The following ETS1 variants were observed in gnomAD, a reference collection of about 807,000 sequenced individuals.
ETS1 encodes protein C-ets-1.
ETS1 carries 15 observed loss-of-function variants against 58.6 expected under a neutral mutation model. The observed-to-expected ratio is 0.26, with a 90% CI of 0.17 to 0.39. The LOEUF is 0.39. Among genes scored for constraint, ETS1 ranks in the 10% least tolerant of loss-of-function variants. The pLI is 1.00. For missense variants in ETS1, 417 were observed against 610.5 expected (o/e 0.68, Z 3.34); for synonymous variants, 214 against 218.2 (o/e 0.98, Z 0.17).
chr11:128,507,777 G>A (rs940789079), intron 3 of ETS1, among the ~76,000 whole-genome samples: 2 of 152,094 alleles, frequency 1.3e-5, no homozygotes, highest in African/African-American at 2.4e-5. Flanking sequence ...GGACCTTCCC[G>A]GCAGCAGCCT....
At chr11:128,543,193 C>CAA (rs66563990) in intron 3 of ETS1, among the ~76,000 whole-genome samples, 44 of 87,152 alleles carry the variant, frequency 5.0e-4, no homozygotes, top group South Asian at 3.4e-3. Flanking sequence ...AACTCTGTCT[C>CAA]AAAAAAAAAA....
intron 3 of ETS1, chr11:128,504,894 T>C (rs1412458103): frequency 6.6e-6 from 1 of 152,242 alleles, no homozygotes; most frequent in Non-Finnish European, 1.5e-5. Flanking sequence ...AGATTCATGA[T>C]GCTATCCACT....
chr11:128,556,404 G>T lies in ETS1; in HGVS notation c.101C>A (p.Pro34His), dbSNP rs1365075336. Residue 34 changes from proline (P) to histidine (H), a missense_variant, in exon 3 of 10, where the codon CCT becomes CAT. This residue lies in a region of ETS1 where 90 missense variants were observed against 90.3 expected (regional missense o/e 1.00). Coordinates refer to ENST00000392668, the MANE Select transcript of ETS1 (RefSeq NM_001143820.2). ...RQGPSNTYEDPRMNCGFQSNY... is the reference protein window; with the variant it reads ...RQGPSNTYEDHRMNCGFQSNY... ...GGACTGGAAACCACAGTTCATTCGA[G>T]GATCTTCATAAGTGTTGCTAGGTCC... is the stretch of plus-strand genomic sequence containing the variant. The T allele has an allele frequency of 6.2e-7, 1 of 1,612,720 alleles. No individual in the cohort carries two copies. The highest frequency in any genetic ancestry group is 8.5e-7 in the Non-Finnish European group (1 of 1,179,156).
intron 1 of ETS1, among the ~76,000 whole-genome samples, chr11:128,581,221 A>C (rs1864864429): frequency 6.6e-6 from 1 of 152,236 alleles, no homozygotes; most frequent in Non-Finnish European, 1.5e-5. Flanking sequence ...AAGGAAATAC[A>C]TTAAAACCTG....
chr11:128,580,250 C>CT (rs1565418797), intron 1 of ETS1, among the ~76,000 whole-genome samples: 1 of 148,594 alleles, frequency 6.7e-6, no homozygotes, highest in Non-Finnish European at 1.5e-5. Flanking sequence ...TTAGGCTTCT[C>CT]AAGAGTTAAC....
At chr11:128,474,448 G>A (rs1862267939) in intron 8 of ETS1, among the ~76,000 whole-genome samples, 2 of 152,126 alleles carry the variant, frequency 1.3e-5, no homozygotes, top group South Asian at 4.1e-4. Flanking sequence ...TTTTCTACTG[G>A]TAGCAGATGA....
At chr11:128,560,596 T>A (rs544179662) in intron 2 of ETS1, among the ~76,000 whole-genome samples, 1 of 152,260 alleles carries the variant, frequency 6.6e-6, no homozygotes, top group Non-Finnish European at 1.5e-5. Flanking sequence ...TTCTGCTACG[T>A]GCACAACATG....
At chr11:128,540,031 G>A (rs1864030769) in intron 3 of ETS1, among the ~76,000 whole-genome samples, 1 of 152,188 alleles carries the variant, frequency 6.6e-6, no homozygotes, top group African/African-American at 2.4e-5. Flanking sequence ...TAAAAATGTT[G>A]CTGGGCGCAG....
At position 128,571,501 on chromosome 11, in the gene ETS1, CAAAAAAAAAAAAAAAAAAAA is replaced by C. The variant is rs563312769; in HGVS notation, c.69+1541_69+1560del. 6.5e-3 allele frequency among the ~76,000 whole-genome samples: 214 copies of C among 32,900 alleles called. 4 individuals are homozygous for C. Among genetic ancestry groups the C allele is most frequent in the Middle Eastern group, 0.025 (1 of 40 alleles). The allele number at this position is 32,900 out of a possible 152,430, so 21.6% of individuals were successfully genotyped here. A position where few individuals can be genotyped will look rare whatever the true frequency, so the allele number is the denominator to read the frequency against. On this transcript the variant is annotated intron_variant, in intron 2 of 9. Coordinates refer to ENST00000392668, the MANE Select transcript of ETS1 (RefSeq NM_001143820.2). ...CCTGGGCGACAGAGCAAGACTCCGT[CAAAAAAAAAAAAAAAAAAAA>C]AAAAAAAAAAAAAAAAAAAAAACTT...
chr11:128,459,728 AC>A lies in ETS1; in HGVS notation c.*2632del, dbSNP rs763972751. 6.5e-6 allele frequency: 1 copy of A among 152,822 alleles called. No individual in the cohort carries two copies. The highest frequency in any genetic ancestry group is 1.5e-5 in the Non-Finnish European group (1 of 68,054). 9.5% of individuals were successfully genotyped at this position (152,822 alleles called of 1,614,324 possible). A position where few individuals can be genotyped will look rare whatever the true frequency, so the allele number is the denominator to read the frequency against. Reference sequence around the variant, plus strand: ...GGAGAAAAAACATCTGGCCAGATCGACAAAGCTGTCTTAACTAATACACTAT... The same window carrying A: ...GGAGAAAAAACATCTGGCCAGATCGAAAAGCTGTCTTAACTAATACACTAT... On this transcript the variant is annotated 3_prime_UTR_variant, in exon 10 of 10. Transcript: ENST00000392668.
At chr11:128,573,376 A>T (rs118104302) in intron 1 of ETS1, among the ~76,000 whole-genome samples, 1 of 152,318 alleles carries the variant, frequency 6.6e-6, no homozygotes, top group East Asian at 1.9e-4. Context: ...GGTAACATGG[A>T]TAACAGACCA....
chr11:128,585,393 C>T (rs1231768182), intron 1 of ETS1, among the ~76,000 whole-genome samples: 8 of 151,548 alleles, frequency 5.3e-5, no homozygotes, highest in African/African-American at 7.3e-5. Context: ...TAATCATTCC[C>T]TTCTGCTGTT....
In ETS1 at chr11:128,462,104, G is replaced by C; in HGVS notation, c.*257C>G. ...TTCTCTGTTAAGCCAGAGCCTTCAA[G>C]CTTCTGAGAAGGCCCTTCTCCCTCT... is the stretch of plus-strand genomic sequence containing the variant. On this transcript the variant is annotated 3_prime_UTR_variant, in exon 10 of 10. Coordinates refer to ENST00000392668, the MANE Select transcript of ETS1 (RefSeq NM_001143820.2). 2.1e-6 allele frequency: 1 copy of C among 479,762 alleles called. No individual in the cohort carries two copies. Among genetic ancestry groups the C allele is most frequent in the South Asian group, 3.2e-5 (1 of 30,774 alleles). 29.7% of individuals were successfully genotyped at this position (479,762 alleles called of 1,614,324 possible).
intron 8 of ETS1, among the ~76,000 whole-genome samples, chr11:128,478,277 A>G (rs1862377445): frequency 1.4e-5 from 2 of 139,796 alleles, no homozygotes; most frequent in Non-Finnish European, 1.6e-5. Context: ...GGAGGGAGGA[A>G]GGGAGGAAGG....
intron 8 of ETS1, among the ~76,000 whole-genome samples, chr11:128,465,472 G>A (rs753542222): frequency 2.6e-5 from 4 of 152,090 alleles, no homozygotes; most frequent in Non-Finnish European, 1.5e-5. Context: ...TTTCTGCCTG[G>A]GCTCACAAAA....
chr11:128,508,795 A>C (rs1863310757), intron 3 of ETS1, among the ~76,000 whole-genome samples: 1 of 152,264 alleles, frequency 6.6e-6, no homozygotes, highest in Non-Finnish European at 1.5e-5. Flanking sequence ...GAGATTTGTG[A>C]CTAGCTCGTG....
At chr11:128,544,546 C>T (rs943460866) in intron 3 of ETS1, among the ~76,000 whole-genome samples, 1 of 151,794 alleles carries the variant, frequency 6.6e-6, no homozygotes, top group Non-Finnish European at 1.5e-5. Context: ...TTCCAAGGCT[C>T]TCCCTCTCCC....
chr11:128,554,807 G>A (rs1864287457), intron 3 of ETS1, among the ~76,000 whole-genome samples: 2 of 151,884 alleles, frequency 1.3e-5, no homozygotes, highest in Non-Finnish European at 2.9e-5. Context: ...TAGGATTCAA[G>A]AATTATACAA....
intron 3 of ETS1, among the ~76,000 whole-genome samples, chr11:128,515,508 T>C (rs1309762543): frequency 1.3e-5 from 2 of 152,196 alleles, no homozygotes; most frequent in African/African-American, 4.8e-5. Context: ...AATCGTGCCT[T>C]ATTAGCTTAC....
Sources: gnomAD v4.1 joint callset for allele counts (sites outside exome capture counted in the v4.1 genomes callset) on GRCh38, gnomAD v4.1.1 for gene constraint, gnomAD v4.1.1 regional missense constraint, MANE v1.5 for transcripts, NCBI Gene and HGNC (gene_info 2026-07-23, HGNC 2026-07-21) for gene names.